SLC24A2: variants seen among roughly 807,000 people sequenced by gnomAD.
SLC24A2 encodes solute carrier family 24 member 2, also known as sodium/potassium/calcium exchanger 2.
SLC24A2 carries 36 observed loss-of-function variants against 62.0 expected under a neutral mutation model. The ratio of observed to expected loss-of-function variants is 0.58; its 90% CI spans 0.44 to 0.77. The LOEUF is 0.77. SLC24A2 is among the 30% of genes least tolerant of loss of function. The pLI, the probability that SLC24A2 is intolerant of heterozygous loss-of-function variation, is 0.00. For synonymous variants in SLC24A2, 358 were observed against 294.0 expected (o/e 1.22, Z -2.23); for missense variants, 846 against 817.9 (o/e 1.03, Z -0.42).
chr9:20,300,563 C>T, the SLC24A2 span, among the ~76,000 whole-genome samples: 79 of 152,240 alleles, frequency 5.2e-4, no homozygotes, highest in Non-Finnish European at 1.1e-3. Context: ...TTGAAACATC[C>T]AGAATGTCTG....
the SLC24A2 span, among the ~76,000 whole-genome samples, chr9:19,912,431 T>C: frequency 1.3e-5 from 2 of 152,154 alleles, no homozygotes; most frequent in African/African-American, 4.8e-5. Context: ...TTGGAAATCA[T>C]CGGTTTCAGT....
chr9:19,572,864 A>G (rs796517039), intron 7 of SLC24A2, among the ~76,000 whole-genome samples: 37 of 152,340 alleles, frequency 2.4e-4, no homozygotes, highest in African/African-American at 8.7e-4. Flanking sequence ...AGAGAAAGCC[A>G]AAGGGGGCTC....
At chr9:19,841,589 C>T in the SLC24A2 span, among the ~76,000 whole-genome samples, 1 of 152,126 alleles carries the variant, frequency 6.6e-6, no homozygotes, top group East Asian at 1.9e-4. Context: ...ACCTTTTTGG[C>T]CTGTTCTTTG....
At chr9:19,716,676 C>T (rs1482469324) in intron 2 of SLC24A2, among the ~76,000 whole-genome samples, 1 of 152,294 alleles carries the variant, frequency 6.6e-6, no homozygotes, top group Non-Finnish European at 1.5e-5. Flanking sequence ...CCTTTGCCTA[C>T]CTCCCCTATC....
At chr9:19,591,104 T>TATC (rs888962303) in intron 5 of SLC24A2, among the ~76,000 whole-genome samples, 1 of 152,158 alleles carries the variant, frequency 6.6e-6, no homozygotes, top group African/African-American at 2.4e-5. Context: ...TTCTCTTCTC[T>TATC]ATCAATTAGC....
chr9:19,968,488 T>C, the SLC24A2 span, among the ~76,000 whole-genome samples: 1 of 152,346 alleles, frequency 6.6e-6, no homozygotes, highest in African/African-American at 2.4e-5. Context: ...AATTTGCTTA[T>C]AGAAATAAGG....
At position 19,519,484 on chromosome 9, in the gene SLC24A2, A is replaced by G. The variant is rs1189413301; in HGVS notation, c.1736+1410T>C. 2.6e-5 allele frequency among the ~76,000 whole-genome samples: 4 copies of G among 152,300 alleles called. No homozygotes were observed. The East Asian group carries it at 7.7e-4, about 29-fold the overall frequency. ...CAAGAGATTGACCAAGAACTCTACCAGGAATATTTGGACCACGGAACTGAG... is the reference window on the plus strand; with the variant it reads ...CAAGAGATTGACCAAGAACTCTACCGGGAATATTTGGACCACGGAACTGAG... On this transcript the variant is annotated intron_variant, in intron 10 of 10. Transcript: ENST00000341998.
chr9:19,731,702 T>C (rs929256470), intron 2 of SLC24A2, among the ~76,000 whole-genome samples: 1 of 152,204 alleles, frequency 6.6e-6, no homozygotes, highest in Non-Finnish European at 1.5e-5. Context: ...CAGTCTGTGG[T>C]ATTTTCTTAT....
chr9:19,664,976 G>A lies in SLC24A2; in HGVS notation c.931-42677C>T, dbSNP rs569943594. Among the ~76,000 whole-genome samples, 11 of 152,184 alleles carry A rather than the reference G, an allele frequency of 7.2e-5. No individual in the cohort carries two copies. In the South Asian group the frequency reaches 1.5e-3, roughly 20 times the overall value. On this transcript the variant is annotated intron_variant, in intron 2 of 10. Coordinates refer to ENST00000341998, the MANE Select transcript of SLC24A2 (RefSeq NM_020344.4). ...CTGCCCGTTTGTGGTAGTTTGTTTCGGCAGCCCTAGAAAACAAATACGCCT... is the reference window on the plus strand; with the variant it reads ...CTGCCCGTTTGTGGTAGTTTGTTTCAGCAGCCCTAGAAAACAAATACGCCT...
the SLC24A2 span, among the ~76,000 whole-genome samples, chr9:20,014,433 T>C: frequency 2.0e-5 from 3 of 151,194 alleles, no homozygotes; most frequent in African/African-American, 4.9e-5. Flanking sequence ...ACTCCCACGA[T>C]TACTGCAGCA....
chr9:20,072,481 T>C, the SLC24A2 span, among the ~76,000 whole-genome samples: 1 of 152,162 alleles, frequency 6.6e-6, no homozygotes, highest in South Asian at 2.1e-4. Context: ...CTAGGAACTA[T>C]GGACAAAACC....
the SLC24A2 span, among the ~76,000 whole-genome samples, chr9:19,850,982 T>C: frequency 1.3e-3 from 56 of 42,070 alleles, no homozygotes; most frequent in Middle Eastern, 0.011. Context: ...TATATATATA[T>C]ATGTATATAT....
chr9:19,595,983 G>A (rs1430171826), intron 5 of SLC24A2, among the ~76,000 whole-genome samples: 1 of 152,142 alleles, frequency 6.6e-6, no homozygotes, highest in Admixed American at 6.6e-5. Flanking sequence ...CTGCCCATGG[G>A]TCTGCATTTC....
the SLC24A2 span, among the ~76,000 whole-genome samples, chr9:19,961,899 T>C: frequency 6.6e-6 from 1 of 152,218 alleles, no homozygotes; most frequent in Non-Finnish European, 1.5e-5. Context: ...TTCAAAAGAA[T>C]GTAGTCCCAG....
At position 19,786,508 on chromosome 9, in the gene SLC24A2, T is replaced by G; in HGVS notation, c.359A>C (p.Tyr120Ser). ...ENSTDHAQGD[Y>S]PKDIFSLEER... is the part of the protein sequence containing the mutation. ...CTCAAGGGAAAAGATGTCTTTCGGG[T>G]AGTCTCCTTGGGCGTGATCTGTACT... Residue 120 changes from tyrosine (Y) to serine (S), a missense_variant, in exon 2 of 11, where the codon TAC becomes TCC. Coordinates refer to ENST00000341998, the MANE Select transcript of SLC24A2 (RefSeq NM_020344.4). This position sits in a 1 kb window ranked among gnomAD's most constrained non-coding sequence, Gnocchi z 5.0. 1 of 1,614,208 alleles carries G rather than the reference T, an allele frequency of 6.2e-7. No individual in the cohort carries two copies.
the SLC24A2 span, among the ~76,000 whole-genome samples, chr9:20,013,831 T>C: frequency 6.6e-6 from 1 of 152,138 alleles, no homozygotes; most frequent in African/African-American, 2.4e-5. Context: ...GAAAAAATGC[T>C]CAGTATCGCT....
Position 19,516,108 on chromosome 9 carries a change from T to C in SLC24A2, c.*45A>G. On this transcript the variant is annotated 3_prime_UTR_variant, in exon 11 of 11. Coordinates refer to ENST00000341998, the MANE Select transcript of SLC24A2 (RefSeq NM_020344.4). The stretch of plus-strand genomic sequence containing the variant: ...GTCAAGGAGCCCAGAGCCCAGAGTG[T>C]GGAGGGACCATTCATGCTGCTGGTG... The C allele has an allele frequency of 1.2e-6, 2 of 1,612,764 alleles. No individual in the cohort carries two copies. Among genetic ancestry groups the C allele is most frequent in the Non-Finnish European group, 1.7e-6 (2 of 1,179,264 alleles).
the SLC24A2 span, among the ~76,000 whole-genome samples, chr9:19,986,058 A>G: frequency 4.6e-5 from 7 of 152,192 alleles, no homozygotes; most frequent in African/African-American, 1.4e-4. Flanking sequence ...GAATAGATAA[A>G]GAATCATTAT....
At chr9:20,248,192 G>C in the SLC24A2 span, among the ~76,000 whole-genome samples, 2 of 152,206 alleles carry the variant, frequency 1.3e-5, no homozygotes, top group Admixed American at 6.5e-5. Flanking sequence ...GGCAGCTGCA[G>C]CTGGCACTGA....
Sources: allele counts gnomAD v4.1 joint callset (sites outside exome capture counted in the v4.1 genomes callset), GRCh38; gene constraint gnomAD v4.1.1; non-coding constraint Gnocchi (gnomAD v3.1); transcripts MANE v1.5; gene names NCBI Gene and HGNC (gene_info 2026-07-23, HGNC 2026-07-21).